MEGF10: variants seen among roughly 807,000 people sequenced by gnomAD.
MEGF10 encodes the protein multiple epidermal growth factor-like domains protein 10.
Under a neutral mutation model 147.5 loss-of-function variants are expected in MEGF10, and 86 were observed. That is an observed-to-expected ratio of 0.58 (90% confidence interval 0.49 to 0.70). MEGF10 has a LOEUF of 0.70. MEGF10 is among the 30% of genes least tolerant of loss of function. The probability of loss-of-function intolerance (pLI) is 0.00; values close to 1 mark genes in which losing one functional copy is unlikely to be tolerated. For synonymous variants in MEGF10, 478 were observed against 525.5 expected (o/e 0.91, Z 1.24); for missense variants, 1,329 against 1,487.3 (o/e 0.89, Z 1.75).
In MEGF10 at chr5:127,303,289, T is replaced by C. The variant is rs570639421; in HGVS notation, c.-19+12233T>C. On this transcript the variant is annotated intron_variant, in intron 1 of 24. Transcript: ENST00000503335. ...AGGCAGAGGTTGCAGTGAGCCGAGATTGCACTACTGCACTCCAGTCTGGAC... is the reference window on the plus strand; with the variant it reads ...AGGCAGAGGTTGCAGTGAGCCGAGACTGCACTACTGCACTCCAGTCTGGAC... 4.7e-5 allele frequency among the ~76,000 whole-genome samples: 7 copies of C among 149,410 alleles called. No homozygotes were observed. The East Asian group carries it at 9.8e-4, about 21-fold the overall frequency.
intron 9 of MEGF10, among the ~76,000 whole-genome samples, chr5:127,417,309 T>G (rs1764813298): frequency 6.6e-6 from 1 of 152,074 alleles, no homozygotes; most frequent in Non-Finnish European, 1.5e-5. Flanking sequence ...TTGGATGGAG[T>G]TTTTTTAGCT....
chr5:127,458,817 C>G lies in MEGF10; in HGVS notation c.*1499C>G, dbSNP rs1278127888. 6.6e-6 allele frequency: 1 copy of G among 152,120 alleles called. No homozygotes were observed. The highest frequency in any genetic ancestry group is 1.5e-5 in the Non-Finnish European group (1 of 68,018). 9.4% of individuals were successfully genotyped at this position (152,120 alleles called of 1,614,324 possible). A position where few individuals can be genotyped will look rare whatever the true frequency, so the allele number is the denominator to read the frequency against. On this transcript the variant is annotated 3_prime_UTR_variant, in exon 25 of 25. Coordinates refer to ENST00000503335, the MANE Select transcript of MEGF10 (RefSeq NM_001256545.2). The stretch of plus-strand genomic sequence containing the variant: ...ACAGACTCATCTTAAAAAAAACTCT[C>G]ATTATGGTGATCATAGAATTGACCA...
At chr5:127,341,054 A>T (rs1761662034) in intron 4 of MEGF10, among the ~76,000 whole-genome samples, 1 of 152,162 alleles carries the variant, frequency 6.6e-6, no homozygotes, top group African/African-American at 2.4e-5. Context: ...GATGAGGCTT[A>T]TTAAATGTAG....
At chr5:127,454,701 G>A (rs1766291412) in intron 23 of MEGF10, 91 bp downstream of exon 23, 1 of 1,173,910 alleles carries the variant, frequency 8.5e-7, no homozygotes, top group Non-Finnish European at 1.2e-6. Context: ...AGCTAGAATG[G>A]CAAGAGAAAA....
At chr5:127,264,390 C>G in the MEGF10 span, among the ~76,000 whole-genome samples, 4 of 152,244 alleles carry the variant, frequency 2.6e-5, no homozygotes, top group East Asian at 7.7e-4. Context: ...TTGATTGTTA[C>G]ATTTTGATAG....
chr5:127,337,157 CAG>C (rs1173978144), intron 2 of MEGF10, among the ~76,000 whole-genome samples: 8 of 152,046 alleles, frequency 5.3e-5, no homozygotes, highest in African/African-American at 1.9e-4. Context: ...TAGGCAGAAA[CAG>C]AGAAGTTTAG....
chr5:127,396,797 A>G lies in MEGF10; in HGVS notation c.659+19A>G. ...GAGCCTTGTAAGTCACATGCTGCCCAGCAGCAGAGCAGAGCCCACCCACCC... is the reference window on the plus strand; with the variant it reads ...GAGCCTTGTAAGTCACATGCTGCCCGGCAGCAGAGCAGAGCCCACCCACCC... On this transcript the variant is annotated intron_variant, in intron 6 of 24. Coordinates refer to ENST00000503335, the MANE Select transcript of MEGF10 (RefSeq NM_001256545.2). 6.2e-7 allele frequency: 1 copy of G among 1,605,122 alleles called. No homozygotes were observed. Among genetic ancestry groups the G allele is most frequent in the Non-Finnish European group, 8.5e-7 (1 of 1,174,272 alleles).
chr5:127,440,474 C>T (rs992230434), intron 17 of MEGF10, among the ~76,000 whole-genome samples: 1 of 152,196 alleles, frequency 6.6e-6, no homozygotes, highest in Non-Finnish European at 1.5e-5. Context: ...AGGCACTAGT[C>T]TTGCCTCCAG....
intron 5 of MEGF10, among the ~76,000 whole-genome samples, chr5:127,389,110 C>G (rs1244468674): frequency 2.0e-5 from 3 of 152,294 alleles, no homozygotes; most frequent in East Asian, 3.9e-4. Context: ...CTTTTGTATG[C>G]AGAAAGCCTT....
the MEGF10 span, among the ~76,000 whole-genome samples, chr5:127,264,652 T>G: frequency 6.6e-6 from 1 of 152,122 alleles, no homozygotes; most frequent in African/African-American, 2.4e-5. Flanking sequence ...GGAAAAGAGA[T>G]CCTCTTTCCA....
At chr5:127,296,951 C>G (rs1207694123) in intron 1 of MEGF10, among the ~76,000 whole-genome samples, 1 of 151,976 alleles carries the variant, frequency 6.6e-6, no homozygotes, top group Non-Finnish European at 1.5e-5. Flanking sequence ...TTTGTTCCAC[C>G]AGTTTTTTTT....
At chr5:127,449,932 TTTAAA>T (rs149480053) in intron 22 of MEGF10, among the ~76,000 whole-genome samples, 4,355 of 152,278 alleles carry the variant, frequency 0.029, 91 homozygotes, top group Middle Eastern at 0.085. Context: ...TGTTAATTTA[TTTAAA>T]TTAATAATAA....
At chr5:127,408,848 G>A (rs928445829) in intron 8 of MEGF10, among the ~76,000 whole-genome samples, 8 of 152,156 alleles carry the variant, frequency 5.3e-5, no homozygotes, top group African/African-American at 1.7e-4. Context: ...AGGCTGAGGC[G>A]GGAGCATCAC....
chr5:127,402,479 C>T, intron 7 of MEGF10, 67 bp from the exon 8 acceptor site: 8 of 1,536,494 alleles, frequency 5.2e-6, no homozygotes, highest in Non-Finnish European at 7.0e-6. Flanking sequence ...CTCTTTTCTT[C>T]TTCATCCATC....
the MEGF10 span, among the ~76,000 whole-genome samples, chr5:127,232,890 G>A: frequency 6.6e-6 from 1 of 152,110 alleles, no homozygotes; most frequent in African/African-American, 2.4e-5. Context: ...GCAGGTTGAG[G>A]AGACTGTGCT....
At chr5:127,270,589 C>T in the MEGF10 span, among the ~76,000 whole-genome samples, 3 of 152,098 alleles carry the variant, frequency 2.0e-5, no homozygotes, top group Non-Finnish European at 4.4e-5. Context: ...AAAGCAAGTC[C>T]TTAGAGACTT....
intron 1 of MEGF10, among the ~76,000 whole-genome samples, chr5:127,322,403 G>C (rs1760823498): frequency 6.6e-6 from 1 of 151,982 alleles, no homozygotes; most frequent in South Asian, 2.1e-4. Context: ...TGCCTATACT[G>C]CTCCATCTAC....
the MEGF10 span, among the ~76,000 whole-genome samples, chr5:127,252,401 T>C: frequency 6.6e-6 from 1 of 151,830 alleles, no homozygotes; most frequent in Admixed American, 6.6e-5. Flanking sequence ...TTAAAGAGTG[T>C]ATGGTAAAGC....
At chr5:127,444,092 G>A (rs575309295) in intron 19 of MEGF10, among the ~76,000 whole-genome samples, 5 of 152,266 alleles carry the variant, frequency 3.3e-5, no homozygotes, top group South Asian at 2.1e-4. Context: ...GGGAAATTCC[G>A]ATTCCAGGGT....
Sources: allele counts gnomAD v4.1 joint callset (sites outside exome capture counted in the v4.1 genomes callset), GRCh38; gene constraint gnomAD v4.1.1; transcripts MANE v1.5; gene names NCBI Gene and HGNC (gene_info 2026-07-23, HGNC 2026-07-21).